The following COPG1 variants were observed in gnomAD, a reference collection of about 807,000 sequenced individuals.
The protein encoded by COPG1 is coatomer subunit gamma-1.
In COPG1, 29 loss-of-function variants were observed where a neutral mutation model predicts 102.8. That is an observed-to-expected ratio of 0.28 (90% confidence interval 0.21 to 0.38). The LOEUF is 0.38. Ranked by LOEUF, COPG1 falls within the 10% of genes least tolerant of loss-of-function variation. COPG1 has a pLI of 1.00. For synonymous variants in COPG1, 406 were observed against 421.6 expected, an observed-to-expected ratio of 0.96 and a Z score of 0.45; for missense variants, 875 against 1,132.7, an observed-to-expected ratio of 0.77 and a Z score of 3.27.
At position 129,252,908 on chromosome 3, in the gene COPG1, C is replaced by A; in HGVS notation, c.276C>A (p.Ile92=). The change falls in exon 5 of 24, where the codon ATC becomes ATA. Residue 92 remains isoleucine, a synonymous_variant. Coordinates refer to ENST00000314797, the MANE Select transcript of COPG1 (RefSeq NM_016128.4). The part of the protein sequence containing the change: ...PTLRRMCYLT[I]KEMSCIAEDV... Reference sequence around the variant, plus strand: ...TCCGTCGGATGTGCTACTTGACCATCAAGGAGATGTCTTGCATTGCAGAGG... The same window carrying A: ...TCCGTCGGATGTGCTACTTGACCATAAAGGAGATGTCTTGCATTGCAGAGG... The A allele has an allele frequency of 6.2e-7, 1 of 1,614,192 alleles. No homozygotes were observed.
intron 6 of COPG1, 76 bp downstream of exon 6, chr3:129,254,819 G>A (rs1392742959): frequency 1.4e-6 from 2 of 1,407,106 alleles, no homozygotes; most frequent in East Asian, 2.3e-5. Context: ...ATTCTTTGGG[G>A]TGTCCCCTAT....
At chr3:129,277,155 C>G in intron 23 of COPG1, 139 bp from the exon 24 acceptor site, 3 of 821,160 alleles carry the variant, frequency 3.7e-6, no homozygotes, top group Non-Finnish European at 6.0e-6. Context: ...AAATCCCTCA[C>G]TCAGGGATTT....
chr3:129,261,530 G>C (rs1217919146), intron 12 of COPG1, among the ~76,000 whole-genome samples: 2 of 152,128 alleles, frequency 1.3e-5, no homozygotes, highest in Non-Finnish European at 2.9e-5. Flanking sequence ...CAGGAGGAAG[G>C]ATGTGAATAT....
At chr3:129,252,225 A>G (rs1368783155) in intron 2 of COPG1, 56 bp from the exon 3 acceptor site, 17 of 1,235,222 alleles carry the variant, frequency 1.4e-5, no homozygotes, top group Non-Finnish European at 2.0e-5. Context: ...CATTGAATAT[A>G]CTTGAAGGGA....
intron 6 of COPG1, 87 bp downstream of exon 6, chr3:129,254,830 C>A: frequency 7.5e-7 from 1 of 1,334,242 alleles, no homozygotes; most frequent in Non-Finnish European, 1.1e-6. Flanking sequence ...TGTCCCCTAT[C>A]ACTGAGCCAG....
rs1940245192 is a variant in COPG1 at position 129,275,319 on chromosome 3, G to T, written c.2494+27G>T. On this transcript the variant is annotated intron_variant, in intron 23 of 23. Transcript: ENST00000314797. This position sits in a 1 kb window ranked among gnomAD's most constrained non-coding sequence, Gnocchi z 5.0. ...TAAGTGGCATTTCTAGATGGGGAGG[G>T]CCTGGATAGCTTACAGCCTGGATGC... The T allele has an allele frequency of 6.3e-7, 1 of 1,591,526 alleles. No individual in the cohort carries two copies. Among genetic ancestry groups the T allele is most frequent in the South Asian group, 1.1e-5 (1 of 90,482 alleles).
intron 8 of COPG1, among the ~76,000 whole-genome samples, chr3:129,257,043 T>A (rs568856788): frequency 2.0e-5 from 3 of 152,208 alleles, no homozygotes; most frequent in Non-Finnish European, 4.4e-5. Flanking sequence ...AGGGTTGTTG[T>A]GGGTAATGCA....
At chr3:129,251,534 C>T (rs560961347) in intron 2 of COPG1, among the ~76,000 whole-genome samples, 1 of 151,928 alleles carries the variant, frequency 6.6e-6, no homozygotes, top group East Asian at 1.9e-4. Context: ...AGGCGCACGC[C>T]ACTATGCCTG....
chr3:129,268,243 C>T (rs1483421477), intron 16 of COPG1, among the ~76,000 whole-genome samples: 2 of 152,126 alleles, frequency 1.3e-5, no homozygotes, highest in Non-Finnish European at 2.9e-5. Context: ...AATTGAAACG[C>T]TCATCATTAA....
chr3:129,275,024 T>C lies in COPG1; in HGVS notation c.2395+48T>C. 1 of 1,603,926 alleles carries C rather than the reference T, an allele frequency of 6.2e-7. No individual in the cohort carries two copies. The highest frequency in any genetic ancestry group is 8.5e-7 in the Non-Finnish European group (1 of 1,171,652). ...TCTGGCCTAATTACTGTTCAAGATC[T>C]TTGGCTACTATTGAAGTGCTCATCC... On this transcript the variant is annotated intron_variant, in intron 22 of 23. Coordinates refer to ENST00000314797, the MANE Select transcript of COPG1 (RefSeq NM_016128.4). This position sits in a 1 kb window ranked among gnomAD's most constrained non-coding sequence, Gnocchi z 5.0.
Position 129,250,938 on chromosome 3 carries a change from T to TG in COPG1, c.90+204_90+205insG, listed in dbSNP as rs1394780899. 3 of 454,132 alleles carry TG rather than the reference T, an allele frequency of 6.6e-6. No homozygotes were observed. The African/African-American group carries it at 8.8e-5, about 13-fold the overall frequency. The allele number at this position is 454,132 out of a possible 1,614,324, so 28.1% of individuals were successfully genotyped here. On this transcript the variant is annotated intron_variant, in intron 2 of 23. Transcript: ENST00000314797. ...TTTTTTTTTTTTTTTTTTTTTTTTTTTCTGAGACAGAGTCTTGCTCTGTCG... is the reference window on the plus strand; with the variant it reads ...TTTTTTTTTTTTTTTTTTTTTTTTTTGTCTGAGACAGAGTCTTGCTCTGTCG...
At position 129,268,940 on chromosome 3, in the gene COPG1, C is replaced by T. The variant is rs777619383; in HGVS notation, c.1783C>T (p.Pro595Ser). 6.2e-7 allele frequency: 1 copy of T among 1,613,968 alleles called. No homozygotes were observed. Among genetic ancestry groups the T allele is most frequent in the Non-Finnish European group, 8.5e-7 (1 of 1,179,978 alleles). The stretch of plus-strand genomic sequence containing the variant: ...ATAATTTGCTCCTGCAGAAAGTACC[C>T]CCATCACAGCAGTCAAACAGCCTGA... ...PMAEQRTEST[P>S]ITAVKQPEKV... Residue 595 changes from proline to serine, a missense_variant, in exon 18 of 24, where the codon CCC becomes TCC. Pro to Ser is a moderately conservative substitution (Grantham distance 74, BLOSUM62 -1). Coordinates refer to ENST00000314797, the MANE Select transcript of COPG1 (RefSeq NM_016128.4).
chr3:129,277,249 A>G (rs1381649571), intron 23 of COPG1, 45 bp from the exon 24 acceptor site: 3 of 1,609,350 alleles, frequency 1.9e-6, no homozygotes, highest in East Asian at 2.2e-5. Flanking sequence ...TGCCCTGTAC[A>G]GTCCCTTCTG....
intron 3 of COPG1, 71 bp downstream of exon 3, chr3:129,252,432 C>T: frequency 8.4e-7 from 1 of 1,195,584 alleles, no homozygotes; most frequent in Admixed American, 1.7e-5. Flanking sequence ...AAATCATGAT[C>T]ACTCTTAGGC....
At chr3:129,274,264 A>C (rs1576971074) in intron 21 of COPG1, 1 of 355,868 alleles carries the variant, frequency 2.8e-6, no homozygotes, top group African/African-American at 2.1e-5. Context: ...GTAGGGCCTC[A>C]GTGAAAATCT....
chr3:129,273,537 T>G (rs1940219431), intron 21 of COPG1, among the ~76,000 whole-genome samples: 1 of 152,236 alleles, frequency 6.6e-6, no homozygotes, highest in Admixed American at 6.5e-5. Flanking sequence ...CCAGTATCAT[T>G]ACAAATACTT....
intron 12 of COPG1, among the ~76,000 whole-genome samples, chr3:129,263,559 A>T (rs900196481): frequency 3.3e-5 from 5 of 152,174 alleles, no homozygotes; most frequent in African/African-American, 1.2e-4. Context: ...GAGCCAGAGG[A>T]GATGATGGGT....
intron 1 of COPG1, among the ~76,000 whole-genome samples, 155 bp downstream of exon 1, chr3:129,249,901 C>G (rs745547514): frequency 3.9e-5 from 6 of 152,042 alleles, no homozygotes; most frequent in Non-Finnish European, 7.4e-5. Flanking sequence ...TCGGAGAGCC[C>G]GAGCATGCGC....
chr3:129,274,871 A>C lies in COPG1; in HGVS notation c.2290A>C (p.Ile764Leu), dbSNP rs141308730. The part of the protein sequence containing the change: ...EDLEVTVADH[I>L]QKVMKLNFEA... ...TCTGGAAGTTACTGTAGCTGATCACATTCAAAAGGTCATGAAACTGAACTT... is the reference window on the plus strand; with the variant it reads ...TCTGGAAGTTACTGTAGCTGATCACCTTCAAAAGGTCATGAAACTGAACTT... The change falls in exon 22 of 24, where the codon ATT becomes CTT. Residue 764 changes from isoleucine to leucine, a missense_variant. Transcript: ENST00000314797. 6.2e-7 allele frequency: 1 copy of C among 1,614,228 alleles called. No individual in the cohort carries two copies. The highest frequency in any genetic ancestry group is 1.7e-5 in the Admixed American group (1 of 60,026).
Sources: allele counts gnomAD v4.1 joint callset (sites outside exome capture counted in the v4.1 genomes callset), GRCh38; gene constraint gnomAD v4.1.1; non-coding constraint Gnocchi (gnomAD v3.1); transcripts MANE v1.5; gene names NCBI Gene and HGNC (gene_info 2026-07-23, HGNC 2026-07-21).